CRYBA4: variants seen among roughly 807,000 people sequenced by gnomAD.
CRYBA4 encodes the protein crystallin beta A4.
A neutral mutation model predicts 31.7 loss-of-function variants in CRYBA4; 30 were observed. The ratio of observed to expected loss-of-function variants is 0.95; its 90% CI spans 0.71 to 1.28. The LOEUF (loss-of-function observed/expected upper bound fraction) is 1.28, where lower values mean the gene tolerates loss of function less well. Among genes scored for constraint, CRYBA4 ranks in the 50% most tolerant of loss-of-function variants. CRYBA4 has a pLI of 0.00. For missense variants in CRYBA4, 225 were observed against 260.7 expected (o/e 0.86, Z 0.94); for synonymous variants, 102 against 102.3 (o/e 1.00, Z 0.02).
At chr22:26,628,263 C>G in intron 4 of CRYBA4, 25 bp from the exon 5 acceptor site, 1 of 1,613,736 alleles carries the variant, frequency 6.2e-7, no homozygotes, top group African/African-American at 1.3e-5. Context: ...GCCTGCTGGT[C>G]TGACTGTGTT....
At chr22:26,607,809 T>A in the CRYBA4 span, 1 of 1,601,188 alleles carries the variant, frequency 6.2e-7, no homozygotes. Context: ...CATCTCCTTC[T>A]TGCCCTTGTC....
chr22:26,626,451 A>C (rs899060756), intron 4 of CRYBA4, among the ~76,000 whole-genome samples: 1 of 152,178 alleles, frequency 6.6e-6, no homozygotes, highest in Non-Finnish European at 1.5e-5. Context: ...AAACACAAAA[A>C]CAACAAAGTG....
chr22:26,607,334 T>G, the CRYBA4 span, among the ~76,000 whole-genome samples: 2 of 152,256 alleles, frequency 1.3e-5, no homozygotes, highest in Admixed American at 1.3e-4. Context: ...AATATCCCTC[T>G]TCTTAGCCAT....
At chr22:26,612,026 AT>A in the CRYBA4 span, 2 of 1,410,736 alleles carry the variant, frequency 1.4e-6, no homozygotes, top group Non-Finnish European at 1.0e-6. Flanking sequence ...TTGTGTGGTC[AT>A]TTTACTGTGG....
intron 4 of CRYBA4, among the ~76,000 whole-genome samples, chr22:26,627,408 CTTTCTTTCTTTCTTTCTTT>C (rs1929757382): frequency 1.3e-5 from 1 of 79,240 alleles, no homozygotes; most frequent in Non-Finnish European, 2.1e-5. Context: ...TTCTTTCTTT[CTTTCTTTCTTTCTTTCTTT>C]TTCTTTCTTT....
intron 5 of CRYBA4, among the ~76,000 whole-genome samples, chr22:26,629,413 A>G (rs1473493493): frequency 4.0e-5 from 6 of 151,804 alleles, no homozygotes; most frequent in Non-Finnish European, 7.4e-5. Flanking sequence ...GGCTTGGAAA[A>G]CCAGACACCA....
At chr22:26,620,073 C>T (rs992885185), upstream of CRYBA4, among the ~76,000 whole-genome samples, 6 of 150,514 alleles carry the variant, frequency 4.0e-5, no homozygotes, top group East Asian at 2.0e-4. Context: ...ACCCCAATTA[C>T]GGATAAGGAA....
chr22:26,610,442 C>T, the CRYBA4 span, among the ~76,000 whole-genome samples: 1 of 152,116 alleles, frequency 6.6e-6, no homozygotes, highest in Non-Finnish European at 1.5e-5. Flanking sequence ...AGGCACACGT[C>T]AGACACCAGC....
chr22:26,591,892 C>T, the CRYBA4 span, among the ~76,000 whole-genome samples: 1 of 46,970 alleles, frequency 2.1e-5, no homozygotes, highest in South Asian at 6.9e-4. Flanking sequence ...TGGGTGAGTA[C>T]ACACACACAC....
chr22:26,619,802 C>A (rs1929473883), upstream of CRYBA4, among the ~76,000 whole-genome samples: 2 of 152,352 alleles, frequency 1.3e-5, no homozygotes, highest in East Asian at 1.9e-4. Flanking sequence ...AAAGCCAGGT[C>A]ATCTGGGGCA....
At chr22:26,594,607 C>T in the CRYBA4 span, among the ~76,000 whole-genome samples, 2 of 152,172 alleles carry the variant, frequency 1.3e-5, no homozygotes, top group African/African-American at 2.4e-5. Flanking sequence ...GACACTCCTG[C>T]TTGAACCCGG....
At chr22:26,605,715 A>G in the CRYBA4 span, among the ~76,000 whole-genome samples, 2 of 149,634 alleles carry the variant, frequency 1.3e-5, no homozygotes, top group South Asian at 4.3e-4. Context: ...CAGGCCAACC[A>G]AAATGTCTGG....
upstream of CRYBA4, among the ~76,000 whole-genome samples, chr22:26,617,572 C>G (rs1337829504): frequency 6.6e-6 from 1 of 152,018 alleles, no homozygotes; most frequent in Non-Finnish European, 1.5e-5. Flanking sequence ...GAGATATTCT[C>G]ATTCTCTCTC....
chr22:26,625,823 G>A (rs1338707189), intron 4 of CRYBA4, among the ~76,000 whole-genome samples: 1 of 152,166 alleles, frequency 6.6e-6, no homozygotes, highest in Non-Finnish European at 1.5e-5. Flanking sequence ...GAAGAAGAAC[G>A]TATAACATCT....
chr22:26,599,457 G>A, the CRYBA4 span: 1 of 1,584,024 alleles, frequency 6.3e-7, no homozygotes, highest in Non-Finnish European at 8.6e-7. Flanking sequence ...CATGAAGAAG[G>A]GTTGGGGCAA....
chr22:26,617,010 T>C (rs1257566217), upstream of CRYBA4, among the ~76,000 whole-genome samples: 1 of 152,238 alleles, frequency 6.6e-6, no homozygotes, highest in Non-Finnish European at 1.5e-5. Flanking sequence ...CAATTAACAT[T>C]TGTTCAGAGA....
the CRYBA4 span, among the ~76,000 whole-genome samples, chr22:26,597,837 C>T: frequency 1.3e-5 from 2 of 152,178 alleles, no homozygotes; most frequent in Non-Finnish European, 2.9e-5. Flanking sequence ...AAAAAAGTCT[C>T]AGTTTGGTGC....
At chr22:26,626,418 CA>C (rs201961763) in intron 4 of CRYBA4, among the ~76,000 whole-genome samples, 2,059 of 152,004 alleles carry the variant, frequency 0.014, 20 homozygotes, top group Non-Finnish European at 0.021. Flanking sequence ...CAAAACAAAA[CA>C]AAAAAACAAA....
the CRYBA4 span, among the ~76,000 whole-genome samples, chr22:26,607,213 G>C: frequency 6.6e-6 from 1 of 151,656 alleles, no homozygotes; most frequent in Admixed American, 6.6e-5. Context: ...AGTAAAGACG[G>C]GGTTTCGTCA....
Sources: allele counts gnomAD v4.1 joint callset (sites outside exome capture counted in the v4.1 genomes callset), GRCh38; gene constraint gnomAD v4.1.1; transcripts MANE v1.5; gene names NCBI Gene and HGNC (gene_info 2026-07-23, HGNC 2026-07-21).